BPTF: variants seen among roughly 807,000 people sequenced by gnomAD.
BPTF encodes the protein bromodomain PHD finger transcription factor, also known as nucleosome-remodeling factor subunit BPTF.
A neutral mutation model predicts 292.5 loss-of-function variants in BPTF; 18 were observed. That is an observed-to-expected ratio of 0.06 (90% CI 0.04 to 0.09). The LOEUF (loss-of-function observed/expected upper bound fraction) is 0.09. BPTF is among the 10% of genes least tolerant of loss of function. The pLI, the probability that BPTF is intolerant of heterozygous loss-of-function variation, is 1.00. For missense variants in BPTF, 2,726 were observed against 3,498.7 expected (o/e 0.78, Z 5.57); for synonymous variants, 1,225 against 1,251.9 (o/e 0.98, Z 0.45).
chr17:67,898,597 G>A (rs767994526), intron 7 of BPTF, among the ~76,000 whole-genome samples: 7 of 151,144 alleles, frequency 4.6e-5, no homozygotes, highest in East Asian at 1.9e-4. Context: ...GGTGTGAGCC[G>A]CTGCACTTGG....
intron 27 of BPTF, among the ~76,000 whole-genome samples, chr17:67,976,716 T>G (rs56321665): frequency 1.6e-5 from 2 of 128,498 alleles, no homozygotes; most frequent in South Asian, 4.7e-4. Context: ...AAAAAAAAAA[T>G]AAGAATAAAA....
At chr17:67,834,525 G>T (rs2056975248) in intron 1 of BPTF, among the ~76,000 whole-genome samples, 1 of 152,078 alleles carries the variant, frequency 6.6e-6, no homozygotes, top group South Asian at 2.1e-4. Flanking sequence ...TATTGTGAAG[G>T]ATTTGTCTGT....
chr17:67,934,887 A>AAAG (rs2064783520), intron 18 of BPTF, among the ~76,000 whole-genome samples: 1 of 151,556 alleles, frequency 6.6e-6, no homozygotes, highest in Non-Finnish European at 1.5e-5. Context: ...AAAAAAAAAA[A>AAAG]AAGCATGTAA....
intron 26 of BPTF, among the ~76,000 whole-genome samples, chr17:67,973,085 A>G (rs1208985321): frequency 6.9e-6 from 1 of 145,540 alleles, no homozygotes; most frequent in Non-Finnish European, 1.5e-5. Flanking sequence ...TATAATATAT[A>G]TATATAAGGC....
Position 67,918,811 on chromosome 17 carries a change from C to T in BPTF, c.5401C>T (p.Pro1801Ser). 3 of 1,613,588 alleles carry T rather than the reference C, an allele frequency of 1.9e-6. No individual in the cohort carries two copies. The highest frequency in any genetic ancestry group is 1.3e-5 in the African/African-American group (1 of 74,970). ...LRWDDMAAKA[P>S]PGGGTTRTET... The stretch of plus-strand genomic sequence containing the variant: ...ATGGGATGATATGGCGGCCAAGGCT[C>T]CTCCAGGAGGAGGGACTACACGGAC... Residue 1801 changes from proline (P) to serine (S), a missense_variant, in exon 12 of 28, where the codon CCT (proline) becomes TCT (serine). Physicochemically the swap from Pro to Ser is moderately conservative, Grantham distance 74. Coordinates refer to ENST00000306378, the MANE Select transcript of BPTF (RefSeq NM_182641.4).
chr17:67,958,173 C>A (rs1314083076), intron 23 of BPTF, among the ~76,000 whole-genome samples: 1 of 151,714 alleles, frequency 6.6e-6, no homozygotes, highest in African/African-American at 2.4e-5. Context: ...ACCAAAAATA[C>A]AAAAATTAGC....
intron 1 of BPTF, among the ~76,000 whole-genome samples, chr17:67,845,608 G>C (rs893864899): frequency 6.6e-6 from 1 of 151,786 alleles, no homozygotes; most frequent in Non-Finnish European, 1.5e-5. Flanking sequence ...ACCCCATCTC[G>C]ACAGAAAATT....
chr17:67,862,522 G>C (rs1462952526), intron 2 of BPTF, among the ~76,000 whole-genome samples: 1 of 152,116 alleles, frequency 6.6e-6, no homozygotes, highest in Non-Finnish European at 1.5e-5. Context: ...TGGTGGGATC[G>C]GGATTTGAAC....
At chr17:67,951,321 A>G (rs2066337862) in intron 23 of BPTF, 2 of 152,068 alleles carry the variant, frequency 1.3e-5, no homozygotes, top group Admixed American at 1.3e-4. Context: ...AAAAAATCTT[A>G]TTTTGCAGAT....
At chr17:67,924,021 C>T (rs995298401) in intron 14 of BPTF, among the ~76,000 whole-genome samples, 6 of 150,188 alleles carry the variant, frequency 4.0e-5, no homozygotes, top group African/African-American at 9.8e-5. Context: ...TTTTTTAAGA[C>T]GGAGTCTCGC....
At chr17:67,893,337 T>C (rs1247510236) in intron 5 of BPTF, 33 bp from the exon 6 acceptor site, 1 of 1,290,150 alleles carries the variant, frequency 7.8e-7, no homozygotes. Flanking sequence ...TTGATTGACA[T>C]AAATAATGCA....
At chr17:67,864,088 C>T (rs1240937877) in intron 2 of BPTF, among the ~76,000 whole-genome samples, 1 of 152,084 alleles carries the variant, frequency 6.6e-6, no homozygotes, top group East Asian at 1.9e-4. Flanking sequence ...AGAACCAGAG[C>T]TTCTACAGAA....
intron 24 of BPTF, among the ~76,000 whole-genome samples, chr17:67,963,058 CT>C (rs2067672802): frequency 6.6e-6 from 1 of 152,054 alleles, no homozygotes; most frequent in African/African-American, 2.4e-5. Context: ...TGTGTTGTTT[CT>C]TTTTTCAAAT....
chr17:67,912,802 A>G lies in BPTF; in HGVS notation c.4918A>G (p.Thr1640Ala), dbSNP rs1309688400. ...TTVTKLSTPS[T>A]GGSVDIISVK... ...AGTGACCAAGCTTTCCACACCCTCC[A>G]CAGGCGGCAGTGTGGACATCATCTC... Residue 1640 changes from threonine (T) to alanine (A), a missense_variant, in exon 11 of 28, where the codon ACA becomes GCA. Physicochemically the swap from Thr to Ala is moderately conservative, Grantham distance 58. Around this residue, in one of 22 missense-constraint regions of BPTF, gnomAD observed 144 missense variants for 177.2 expected, o/e 0.81. Transcript: ENST00000306378. 4 of 1,614,044 alleles carry G rather than the reference A, an allele frequency of 2.5e-6. No individual in the cohort carries two copies. In the African/African-American group the frequency reaches 5.3e-5, roughly 22 times the overall value.
In BPTF at chr17:67,930,752, T is replaced by C. The variant is rs114455446; in HGVS notation, c.6151-1159T>C. On this transcript the variant is annotated intron_variant, in intron 17 of 27. Transcript: ENST00000306378. ...TGAGGCCAGGAGTTCGAGAACCACC[T>C]AAACAAAATGGCAAAACCCCATCTC... Among the ~76,000 whole-genome samples, 316 of 151,562 alleles carry C rather than the reference T, an allele frequency of 2.1e-3. 2 individuals are homozygous for C. Among genetic ancestry groups the C allele is most frequent in the African/African-American group, 7.3e-3 (300 of 41,358 alleles).
intron 18 of BPTF, among the ~76,000 whole-genome samples, chr17:67,934,497 C>T (rs1352407264): frequency 6.7e-6 from 1 of 148,344 alleles, no homozygotes; most frequent in Non-Finnish European, 1.5e-5. Flanking sequence ...GCAGCCTGGG[C>T]AACAAGAGTG....
chr17:67,909,252 G>A (rs1373821176), intron 9 of BPTF, among the ~76,000 whole-genome samples: 1 of 148,028 alleles, frequency 6.8e-6, no homozygotes, highest in Non-Finnish European at 1.5e-5. Flanking sequence ...GCAGTGGCAT[G>A]AGCCACCGCA....
rs1568245837 is a variant in BPTF at position 67,982,008 on chromosome 17, TATATATATATATA to T, written c.8727-243_8727-231del. ...AAATATATATATATATATATATATA[TATATATATATATA>T]TATTTAAATATTGGCTTTTTCCAGT... On this transcript the variant is annotated intron_variant, in intron 27 of 27. Transcript: ENST00000306378. The T allele has an allele frequency of 8.2e-4, 128 of 156,628 alleles. 1 individual carries two copies. The highest frequency in any genetic ancestry group is 2.7e-3 in the African/African-American group (108 of 39,604). 9.7% of individuals were successfully genotyped at this position (156,628 alleles called of 1,614,324 possible). A position where few individuals can be genotyped will look rare whatever the true frequency, so the allele number is the denominator to read the frequency against.
At chr17:67,946,566 C>T (rs1239120295) in intron 21 of BPTF, among the ~76,000 whole-genome samples, 1 of 152,120 alleles carries the variant, frequency 6.6e-6, no homozygotes, top group African/African-American at 2.4e-5. Context: ...TTTGGGAGGA[C>T]TAAGATGGGA....
Sources: allele counts gnomAD v4.1 joint callset (sites outside exome capture counted in the v4.1 genomes callset), GRCh38; gene constraint gnomAD v4.1.1; regional missense constraint gnomAD v4.1.1; transcripts MANE v1.5; gene names NCBI Gene and HGNC (gene_info 2026-07-23, HGNC 2026-07-21).